Variants in MUC5B observed in about 807,000 individuals in gnomAD.
The protein encoded by MUC5B is mucin 5B, oligomeric mucus/gel-forming.
In MUC5B, 116 loss-of-function variants were observed where a neutral mutation model predicts 376.9. That is an observed-to-expected ratio of 0.31 (90% CI 0.26 to 0.36). The LOEUF (loss-of-function observed/expected upper bound fraction) is 0.36, where lower values mean the gene tolerates loss of function less well. Ranked by LOEUF, MUC5B falls within the 10% of genes least tolerant of loss-of-function variation. MUC5B has a pLI of 1.00. For missense variants in MUC5B, 7,165 were observed against 7,769.9 expected (o/e 0.92, Z 2.93); for synonymous variants, 3,517 against 3,390.9 (o/e 1.04, Z -1.29).
Position 1,241,224 on chromosome 11 carries a change from C to T in MUC5B, c.4344C>T (p.Ala1448=). 1 of 1,592,194 alleles carries T rather than the reference C, an allele frequency of 6.3e-7. No individual in the cohort carries two copies. The highest frequency in any genetic ancestry group is 8.5e-7 in the Non-Finnish European group (1 of 1,169,638). Residue 1448 remains alanine, a synonymous_variant, in exon 31 of 49, where the codon GCC becomes GCT. Coordinates refer to ENST00000529681, the MANE Select transcript of MUC5B (RefSeq NM_002458.3). The part of the protein sequence containing the change: ...PGTSPQPSLS[A]STEPAVPTPT... Reference sequence around the variant, plus strand: ...CCAGCCCTCAGCCCTCCCTCAGTGCCAGCACGGAGCCTGCTGTGCCTACCC... The same window carrying T: ...CCAGCCCTCAGCCCTCCCTCAGTGCTAGCACGGAGCCTGCTGTGCCTACCC...
chr11:1,226,335 G>A (rs1306004678), intron 3 of MUC5B, 59 bp downstream of exon 3: 1 of 1,534,692 alleles, frequency 6.5e-7, no homozygotes, highest in Admixed American at 2.0e-5. Flanking sequence ...CCAAAGGTGG[G>A]GGCCCAGATC....
chr11:1,245,894 C>A lies in MUC5B; in HGVS notation c.9014C>A (p.Thr3005Asn). 2 of 1,613,326 alleles carry A rather than the reference C, an allele frequency of 1.2e-6. No individual in the cohort carries two copies. Among genetic ancestry groups the A allele is most frequent in the South Asian group, 2.2e-5 (2 of 91,062 alleles). ...ACCACAGCAGCCACTACGACCGCAA[C>A]CACTGGATCCACGGCCATCCCGTCC... ...EQTTAATTTA[T>N]TGSTAIPSST... Residue 3005 changes from threonine (T) to asparagine (N), a missense_variant, in exon 31 of 49, where the codon ACC becomes AAC. Coordinates refer to ENST00000529681, the MANE Select transcript of MUC5B (RefSeq NM_002458.3).
chr11:1,254,471 CA>C (rs1862780948), intron 34 of MUC5B, 120 bp downstream of exon 34: 2 of 1,424,122 alleles, frequency 1.4e-6, no homozygotes, highest in African/African-American at 1.4e-5. Context: ...AGACAGCTCC[CA>C]GGGGGCAGGG....
Position 1,244,951 on chromosome 11 carries a change from A to T in MUC5B, c.8071A>T (p.Thr2691Ser). The change falls in exon 31 of 49, where the codon ACC (threonine) becomes TCC (serine). Residue 2691 changes from threonine to serine, a missense_variant. Around this residue, in one of 31 missense-constraint regions of MUC5B, gnomAD observed 70 missense variants for 169.1 expected, o/e 0.41. Transcript: ENST00000529681. ...TQTSGTPPSL[T>S]TTATTITATG... ...GACCAGTGGTACTCCCCCATCACTG[A>T]CCACCACGGCCACTACGATCACGGC... 6.4e-7 allele frequency: 1 copy of T among 1,574,492 alleles called. No homozygotes were observed. Among genetic ancestry groups the T allele is most frequent in the Non-Finnish European group, 8.6e-7 (1 of 1,160,838 alleles).
At chr11:1,260,453 A>T in intron 47 of MUC5B, 60 bp downstream of exon 47, 3 of 1,589,524 alleles carry the variant, frequency 1.9e-6, no homozygotes, top group Non-Finnish European at 2.6e-6. Context: ...CCACCCATCC[A>T]TTCCTGCCCA....
chr11:1,246,823 G>A lies in MUC5B; in HGVS notation c.9943G>A (p.Gly3315Ser), dbSNP rs527955754. The stretch of plus-strand genomic sequence containing the variant: ...CAAAGTGCCGACTACCACAACCACG[G>A]GCTTCACAGCCACCCCCTCCTCCAG... ...TTKVPTTTTT[G>S]FTATPSSSPG... Residue 3315 changes from glycine to serine, a missense_variant, in exon 31 of 49, where the codon GGC (glycine) becomes AGC (serine). Gly to Ser is a moderately conservative substitution (Grantham distance 56). This residue lies in a region of MUC5B where 939 missense variants were observed against 770.6 expected (regional missense o/e 1.22). Transcript: ENST00000529681. The A allele has an allele frequency of 1.2e-6, 2 of 1,604,500 alleles. No individual in the cohort carries two copies. Among genetic ancestry groups the A allele is most frequent in the Non-Finnish European group, 8.5e-7 (1 of 1,174,544 alleles).
chr11:1,229,676 G>A lies in MUC5B; in HGVS notation c.1103-14G>A, dbSNP rs767072935. The stretch of plus-strand genomic sequence containing the variant: ...CGTGCATGGGCCGGCCCTGCCTCAC[G>A]CCGCGCCCCACAGGCACGGTGCTGG... On this transcript the variant is annotated splice_polypyrimidine_tract_variant and intron_variant, in intron 9 of 48. Coordinates refer to ENST00000529681, the MANE Select transcript of MUC5B (RefSeq NM_002458.3). 20 of 1,547,796 alleles carry A rather than the reference G, an allele frequency of 1.3e-5. No homozygotes were observed. Among genetic ancestry groups the A allele is most frequent in the South Asian group, 4.7e-5 (4 of 84,736 alleles).
In MUC5B at chr11:1,251,605, C is replaced by G; in HGVS notation, c.14725C>G (p.Leu4909Val). Residue 4909 changes from leucine to valine, a missense_variant, in exon 31 of 49, where the codon CTC becomes GTC. By Grantham distance (32) the Leu-to-Val change is conservative (BLOSUM62 1). Coordinates refer to ENST00000529681, the MANE Select transcript of MUC5B (RefSeq NM_002458.3). ...TVGTTRTPAV[L>V]PSSLPTFSVS... ...GGGGACCACCCGCACCCCTGCAGTG[C>G]TCCCCAGCAGCCTGCCAACCTTCAG... The G allele has an allele frequency of 1.2e-6, 2 of 1,613,024 alleles. No homozygotes were observed. The highest frequency in any genetic ancestry group is 1.7e-6 in the Non-Finnish European group (2 of 1,179,810).
chr11:1,256,199 C>A lies in MUC5B; in HGVS notation c.16110C>A (p.Pro5370=), dbSNP rs55845452. 0.027 allele frequency: 19,963 copies of A among 734,482 alleles called. 412 individuals are homozygous for A. Among genetic ancestry groups the A allele is most frequent in the Non-Finnish European group, 0.031 (12,426 of 395,194 alleles). The allele number at this position is 734,482 out of a possible 1,614,324, so 45.5% of individuals were successfully genotyped here. Residue 5370 remains proline, a synonymous_variant, in exon 38 of 49, where the codon CCC becomes CCA. Transcript: ENST00000529681. ...PPTKVYKPCG[P]IQPATCNSRN... is the part of the protein sequence containing the mutation. ...CCAAAGTGTACAAGCCATGCGGCCCCATACAGCCTGCCACCTGCAACTCTA... is the reference window on the plus strand; with the variant it reads ...CCAAAGTGTACAAGCCATGCGGCCCAATACAGCCTGCCACCTGCAACTCTA...
Position 1,246,057 on chromosome 11 carries a change from C to G in MUC5B, c.9177C>G (p.Thr3059=). ...TTCCAGTGCTGACAAGCACAGCCAC[C>G]AAATCCACAGCTACCAGCTTTACAC... ...TTLPVLTSTA[T]KSTATSFTPI... The change falls in exon 31 of 49, where the codon ACC becomes ACG. Residue 3059 remains threonine, a synonymous_variant. Transcript: ENST00000529681. The G allele has an allele frequency of 6.2e-7, 1 of 1,612,984 alleles. No homozygotes were observed. The highest frequency in any genetic ancestry group is 8.5e-7 in the Non-Finnish European group (1 of 1,179,512).
rs559032360 is a variant in MUC5B at position 1,261,969 on chromosome 11, C to T, written c.*361C>T. On this transcript the variant is annotated 3_prime_UTR_variant, in exon 49 of 49. Transcript: ENST00000529681. ...AGCACGGATTCCAGCTGGCCACGTC[C>T]GGCCGCTGGGGCAGACAGGCTGGTC... The T allele has an allele frequency of 3.4e-5, 17 of 497,328 alleles. No individual in the cohort carries two copies. The highest frequency in any genetic ancestry group is 2.1e-4 in the African/African-American group (11 of 51,982). 30.8% of individuals were successfully genotyped at this position (497,328 alleles called of 1,614,324 possible).
At chr11:1,231,911 T>C (rs1862036925) in intron 14 of MUC5B, 85 bp from the exon 15 acceptor site, 2 of 1,567,838 alleles carry the variant, frequency 1.3e-6, no homozygotes, top group East Asian at 2.3e-5. Flanking sequence ...CGTTCCACCC[T>C]GTGTGGTGCC....
Position 1,234,098 on chromosome 11 carries a change from CG to C in MUC5B, c.2378-102del. 2 of 971,772 alleles carry C rather than the reference CG, an allele frequency of 2.1e-6. No individual in the cohort carries two copies. Among genetic ancestry groups the C allele is most frequent in the Non-Finnish European group, 3.2e-6 (2 of 633,848 alleles). 60.2% of individuals were successfully genotyped at this position (971,772 alleles called of 1,614,324 possible). A position where few individuals can be genotyped will look rare whatever the true frequency, so the allele number is the denominator to read the frequency against. Reference sequence around the variant, plus strand: ...TGCAGGTGTCATGGAAGCTTTGGCTCGGGGGCTGTTAACTTGATCAGCAGGA... The same window carrying C: ...TGCAGGTGTCATGGAAGCTTTGGCTCGGGGCTGTTAACTTGATCAGCAGGA... On this transcript the variant is annotated intron_variant, in intron 19 of 48. Coordinates refer to ENST00000529681, the MANE Select transcript of MUC5B (RefSeq NM_002458.3). The surrounding 1 kb of genome is among the most constrained non-coding windows in gnomAD (Gnocchi z 6.3).
At chr11:1,251,853 C>G (rs1040859058) in intron 31 of MUC5B, 110 bp downstream of exon 31, 13 of 826,460 alleles carry the variant, frequency 1.6e-5, no homozygotes, top group Non-Finnish European at 2.2e-5. Flanking sequence ...ATGTTTGTTC[C>G]CCACTGGCCT....
chr11:1,242,039 C>T lies in MUC5B; in HGVS notation c.5159C>T (p.Thr1720Ile). The T allele has an allele frequency of 6.3e-7, 1 of 1,591,422 alleles. No homozygotes were observed. The highest frequency in any genetic ancestry group is 8.5e-7 in the Non-Finnish European group (1 of 1,169,856). The stretch of plus-strand genomic sequence containing the variant: ...TCACAGCCACCCACGCTGGCCCCAA[C>T]AACAATGGCAACCTCCAGAGCTCGC... ...RPSQPPTLAP[T>I]TMATSRARPT... Residue 1720 changes from threonine to isoleucine, a missense_variant, in exon 31 of 49, where the codon ACA becomes ATA. Physicochemically the swap from Thr to Ile is moderately conservative, Grantham distance 89 (BLOSUM62 -1). Coordinates refer to ENST00000529681, the MANE Select transcript of MUC5B (RefSeq NM_002458.3).
intron 2 of MUC5B, among the ~76,000 whole-genome samples, 153 bp downstream of exon 2, chr11:1,225,890 C>T (rs761647037): frequency 2.0e-4 from 31 of 152,212 alleles, no homozygotes; most frequent in African/African-American, 1.9e-4. Context: ...GCACCCGAGG[C>T]GGAGCTTGGT....
chr11:1,228,507 C>G (rs1465061878), intron 7 of MUC5B, 57 bp from the exon 8 acceptor site: 8 of 1,441,222 alleles, frequency 5.6e-6, no homozygotes, highest in Non-Finnish European at 7.4e-6. Context: ...TATTCCAGCA[C>G]CGTGGCAGCC....
chr11:1,238,454 C>T (rs1341836744), intron 25 of MUC5B, among the ~76,000 whole-genome samples: 1 of 151,824 alleles, frequency 6.6e-6, no homozygotes, highest in African/African-American at 2.4e-5. Flanking sequence ...ACGACTGCAG[C>T]GGAGGGAGGT....
chr11:1,228,815 AG>A, intron 8 of MUC5B, 50 bp downstream of exon 8: 2 of 410,116 alleles, frequency 4.9e-6, no homozygotes, highest in East Asian at 9.2e-5. Flanking sequence ...GAGAAGGGGC[AG>A]GGGGAGCGCC....
Sources: allele counts gnomAD v4.1 joint callset (sites outside exome capture counted in the v4.1 genomes callset), GRCh38; gene constraint gnomAD v4.1.1; regional missense constraint gnomAD v4.1.1; non-coding constraint Gnocchi (gnomAD v3.1); transcripts MANE v1.5; gene names NCBI Gene and HGNC (gene_info 2026-07-23, HGNC 2026-07-21).